The following PTPRO variants were observed in gnomAD, a reference collection of about 807,000 sequenced individuals.
PTPRO encodes protein tyrosine phosphatase receptor type O.
In PTPRO, 62 loss-of-function variants were observed where a neutral mutation model predicts 145.2. The ratio of observed to expected loss-of-function variants is 0.43; its 90% CI spans 0.35 to 0.53. The LOEUF (loss-of-function observed/expected upper bound fraction) is 0.53, where lower values mean the gene tolerates loss of function less well. Ranked by LOEUF, PTPRO falls within the 20% of genes least tolerant of loss-of-function variation. PTPRO has a pLI of 0.01. For missense variants in PTPRO, 1,345 were observed against 1,482.7 expected (o/e 0.91, Z 1.53); for synonymous variants, 565 against 514.7 (o/e 1.10, Z -1.32).
rs766908707 is a variant in PTPRO, at chr12:15,524,888, G to A, written c.1966G>A (p.Asp656Asn). ...ATATATCAGTTGGACATATGGGGAT[G>A]ATACAACGGACTTGTCCCATTCTAG... ...LLYISWTYGD[D>N]TTDLSHSRML... Residue 656 changes from aspartate (D) to asparagine (N), a missense_variant, in exon 11 of 27, where the codon GAT becomes AAT. Physicochemically the swap from Asp to Asn is conservative, Grantham distance 23. Around this residue, in one of 3 missense-constraint regions of PTPRO, gnomAD observed 1,130 missense variants for 1,214.7 expected, o/e 0.93. Coordinates refer to ENST00000281171, the MANE Select transcript of PTPRO (RefSeq NM_030667.3). The A allele has an allele frequency of 1.2e-6, 2 of 1,613,488 alleles. No homozygotes were observed. Among genetic ancestry groups the A allele is most frequent in the Non-Finnish European group, 1.7e-6 (2 of 1,179,438 alleles).
chr12:15,550,081 T>C (rs1457305132), intron 14 of PTPRO, among the ~76,000 whole-genome samples: 15 of 152,212 alleles, frequency 9.9e-5, no homozygotes, highest in Admixed American at 9.8e-4. Flanking sequence ...TGCCAACCTC[T>C]GCATAGTTGA....
intron 1 of PTPRO, among the ~76,000 whole-genome samples, chr12:15,452,798 T>G (rs1903417): frequency 1.3e-5 from 2 of 152,062 alleles, no homozygotes; most frequent in African/African-American, 4.8e-5. Flanking sequence ...TTGATCAACT[T>G]CATCTGCTAC....
intron 19 of PTPRO, among the ~76,000 whole-genome samples, chr12:15,572,973 AAGTG>A: frequency 6.6e-6 from 1 of 152,218 alleles, no homozygotes; most frequent in Non-Finnish European, 1.5e-5. Flanking sequence ...CCTAGGCCGA[AAGTG>A]TTTGATTGAG....
rs533097300 is a variant in PTPRO at position 15,502,196 on chromosome 12, G to T, written c.1105+133G>T. On this transcript the variant is annotated intron_variant, in intron 5 of 26. Transcript: ENST00000281171. The stretch of plus-strand genomic sequence containing the variant: ...AAAGAATAATGGTAATGAAAGGGGA[G>T]AATTTAATTGAGTATCCAATGCAGA... 44 of 891,640 alleles carry T rather than the reference G, an allele frequency of 4.9e-5. No individual in the cohort carries two copies. The East Asian group carries it at 1.1e-3, about 23-fold the overall frequency. 55.2% of individuals were successfully genotyped at this position (891,640 alleles called of 1,614,324 possible).
chr12:15,506,114 G>T (rs775137641), intron 6 of PTPRO, among the ~76,000 whole-genome samples: 76 of 152,286 alleles, frequency 5.0e-4, no homozygotes, highest in Non-Finnish European at 2.6e-4. Flanking sequence ...TGATTATCAA[G>T]TCAGTCATAA....
chr12:15,480,028 C>T (rs193292953), intron 1 of PTPRO, among the ~76,000 whole-genome samples: 1 of 152,272 alleles, frequency 6.6e-6, no homozygotes, highest in Admixed American at 6.5e-5. Flanking sequence ...TTGGCTAGGA[C>T]TAAATGACTG....
At position 15,553,098 on chromosome 12, in the gene PTPRO, C is replaced by A. The variant is rs144566682; in HGVS notation, c.2558+1427C>A. The stretch of plus-strand genomic sequence containing the variant: ...TATAGGCGTGAGTCACCATGCTCGG[C>A]CTCCTTGAGATCGAATCTTGACTTC... On this transcript the variant is annotated intron_variant, in intron 15 of 26. Transcript: ENST00000281171. Among the ~76,000 whole-genome samples, 58 of 152,158 alleles carry A rather than the reference C, an allele frequency of 3.8e-4. No homozygotes were observed. The East Asian group carries it at 8.7e-3, about 23-fold the overall frequency.
intron 1 of PTPRO, among the ~76,000 whole-genome samples, chr12:15,331,781 C>T (rs2136200892): frequency 6.6e-6 from 1 of 152,222 alleles, no homozygotes; most frequent in East Asian, 1.9e-4. Flanking sequence ...TTTGTGGTGA[C>T]ATGAATTTGG....
intron 2 of PTPRO, among the ~76,000 whole-genome samples, chr12:15,492,043 T>C (rs1942010543): frequency 1.3e-5 from 2 of 152,210 alleles, no homozygotes; most frequent in Admixed American, 1.3e-4. Flanking sequence ...AGTTACTCTC[T>C]GACTCAGTGA....
At chr12:15,558,630 T>A (rs545928749) in intron 16 of PTPRO, among the ~76,000 whole-genome samples, 21 of 152,262 alleles carry the variant, frequency 1.4e-4, no homozygotes, top group Non-Finnish European at 2.5e-4. Context: ...AAAGTATATG[T>A]AAATGAATAT....
At chr12:15,392,837 G>A (rs1313804749) in intron 1 of PTPRO, among the ~76,000 whole-genome samples, 2 of 152,048 alleles carry the variant, frequency 1.3e-5, no homozygotes, top group East Asian at 1.9e-4. Flanking sequence ...TGCTAGCACT[G>A]GGGTTGTTAA....
In PTPRO at chr12:15,581,817, G is replaced by GA. The variant is rs1326380033; in HGVS notation, c.3255+17dup. ...GATCAACTATGTAAGTCACCAGGCAGAGAGCAGGTGCTGTCCCTATGCTGA... is the reference window on the plus strand; with the variant it reads ...GATCAACTATGTAAGTCACCAGGCAGAAGAGCAGGTGCTGTCCCTATGCTGA... On this transcript the variant is annotated intron_variant, in intron 23 of 26. Coordinates refer to ENST00000281171, the MANE Select transcript of PTPRO (RefSeq NM_030667.3). The GA allele has an allele frequency of 6.2e-7, 1 of 1,613,520 alleles. No homozygotes were observed. Among genetic ancestry groups the GA allele is most frequent in the East Asian group, 2.2e-5 (1 of 44,768 alleles).
chr12:15,515,129 C>T (rs1861598), intron 7 of PTPRO, among the ~76,000 whole-genome samples: 104,531 of 151,934 alleles, frequency 0.69, 36,315 homozygotes, highest in Admixed American at 0.74. Context: ...AAGACATTTC[C>T]GTACTGACCT....
intron 7 of PTPRO, among the ~76,000 whole-genome samples, chr12:15,509,714 T>C (rs1405382731): frequency 6.8e-6 from 1 of 146,300 alleles, no homozygotes; most frequent in Non-Finnish European, 1.5e-5. Flanking sequence ...AAAAAGAATA[T>C]AAAGTAAAAA....
At chr12:15,510,002 C>A (rs756396158) in intron 7 of PTPRO, among the ~76,000 whole-genome samples, 16 of 152,140 alleles carry the variant, frequency 1.1e-4, no homozygotes, top group Non-Finnish European at 2.2e-4. Context: ...TGTGGTGGTT[C>A]TTGGTGTCTT....
intron 1 of PTPRO, among the ~76,000 whole-genome samples, chr12:15,465,885 A>G (rs1317135703): frequency 6.6e-6 from 1 of 152,160 alleles, no homozygotes; most frequent in Non-Finnish European, 1.5e-5. Flanking sequence ...TTATTTGGTA[A>G]TGAATAAGAA....
intron 7 of PTPRO, among the ~76,000 whole-genome samples, chr12:15,514,157 T>TA (rs960966402): frequency 1.2e-4 from 19 of 152,144 alleles, no homozygotes; most frequent in African/African-American, 2.9e-4. Context: ...AAATTTTTTT[T>TA]AAAAAAAGCA....
chr12:15,491,527 AT>A (rs1447049280), intron 2 of PTPRO, among the ~76,000 whole-genome samples: 1 of 152,180 alleles, frequency 6.6e-6, no homozygotes, highest in Non-Finnish European at 1.5e-5. Flanking sequence ...GGCATAAAAT[AT>A]TGTTCAATTT....
At chr12:15,441,071 T>A (rs1940751939) in intron 1 of PTPRO, among the ~76,000 whole-genome samples, 1 of 152,194 alleles carries the variant, frequency 6.6e-6, no homozygotes, top group African/African-American at 2.4e-5. Context: ...ATTCTTCTTA[T>A]CTGCACATGG....
Sources: allele counts gnomAD v4.1 joint callset (sites outside exome capture counted in the v4.1 genomes callset), GRCh38; gene constraint gnomAD v4.1.1; regional missense constraint gnomAD v4.1.1; transcripts MANE v1.5; gene names NCBI Gene and HGNC (gene_info 2026-07-23, HGNC 2026-07-21).